The following NHLRC2 variants were observed in gnomAD, a reference collection of about 807,000 sequenced individuals.
NHLRC2 encodes the protein NHL repeat containing 2, also known as NHL repeat-containing protein 2.
A neutral mutation model predicts 68.1 loss-of-function variants in NHLRC2; 33 were observed. The ratio of observed to expected loss-of-function variants is 0.48; its 90% CI spans 0.37 to 0.65. NHLRC2 has a LOEUF of 0.65. Among genes scored for constraint, NHLRC2 ranks in the 30% least tolerant of loss-of-function variants. The pLI, the probability that NHLRC2 is intolerant of heterozygous loss-of-function variation, is 0.00. For synonymous variants in NHLRC2, 311 were observed against 309.6 expected (o/e 1.00, Z -0.05); for missense variants, 761 against 853.8 (o/e 0.89, Z 1.35).
chr10:113,914,900 C>G lies in NHLRC2; in HGVS notation c.*6364C>G. 2.3e-6 allele frequency: 1 copy of G among 429,016 alleles called. No homozygotes were observed. The highest frequency in any genetic ancestry group is 1.7e-5 in the South Asian group (1 of 59,200). The allele number at this position is 429,016 out of a possible 1,614,324, so 26.6% of individuals were successfully genotyped here. A position where few individuals can be genotyped will look rare whatever the true frequency, so the allele number is the denominator to read the frequency against. On this transcript the variant is annotated 3_prime_UTR_variant, in exon 11 of 11. Transcript: ENST00000369301. Reference sequence around the variant, plus strand: ...TAATCTACCTATATGTATTCCATGGCTAACAAACCCTGGCCCCTTTACATA... The same window carrying G: ...TAATCTACCTATATGTATTCCATGGGTAACAAACCCTGGCCCCTTTACATA...
intron 8 of NHLRC2, 98 bp downstream of exon 8, chr10:113,902,691 A>G: frequency 1.9e-6 from 2 of 1,034,460 alleles, no homozygotes; most frequent in East Asian, 2.5e-5. Flanking sequence ...ACTCTAAAAT[A>G]TAGAAAGGAG....
chr10:113,858,004 T>C (rs952273206), intron 1 of NHLRC2, among the ~76,000 whole-genome samples: 2 of 152,078 alleles, frequency 1.3e-5, no homozygotes, highest in Non-Finnish European at 2.9e-5. Context: ...TTGTATCTAA[T>C]TGTTTATGTA....
chr10:113,869,282 C>T (rs1845899959), intron 2 of NHLRC2, among the ~76,000 whole-genome samples: 1 of 152,026 alleles, frequency 6.6e-6, no homozygotes, highest in South Asian at 2.1e-4. Flanking sequence ...TGGTTTTTTG[C>T]TTCTATAATT....
At chr10:113,893,654 A>G (rs1196533818) in intron 5 of NHLRC2, among the ~76,000 whole-genome samples, 1 of 151,986 alleles carries the variant, frequency 6.6e-6, no homozygotes, top group Non-Finnish European at 1.5e-5. Context: ...TCTGAAGGAA[A>G]TAAGTACACA....
chr10:113,868,908 G>A (rs1845896061), intron 2 of NHLRC2, among the ~76,000 whole-genome samples: 1 of 152,080 alleles, frequency 6.6e-6, no homozygotes, highest in South Asian at 2.1e-4. Context: ...TAAAGCAAAA[G>A]GAATAATATT....
In NHLRC2 at chr10:113,857,413, G is replaced by A. The variant is rs1042489165; in HGVS notation, c.179-1115G>A. 3.9e-5 allele frequency among the ~76,000 whole-genome samples: 6 copies of A among 152,204 alleles called. No homozygotes were observed. In the East Asian group the frequency reaches 1.2e-3, roughly 29 times the overall value. On this transcript the variant is annotated intron_variant, in intron 1 of 10. Coordinates refer to ENST00000369301, the MANE Select transcript of NHLRC2 (RefSeq NM_198514.4). ...GTCACTGTACCCTGAAACCTCATTA[G>A]TTTGGACTAATTGGCCCAAATACTA... is the stretch of plus-strand genomic sequence containing the variant.
Position 113,915,242 on chromosome 10 carries a change from A to T in NHLRC2, c.*6706A>T, listed in dbSNP as rs1488279750. On this transcript the variant is annotated 3_prime_UTR_variant, in exon 11 of 11. Coordinates refer to ENST00000369301, the MANE Select transcript of NHLRC2 (RefSeq NM_198514.4). ...GGACCAAAAGGAAAATATTGCAACT[A>T]TTTGCAAACATACTTCCCTACCTGT... The T allele has an allele frequency of 2.2e-6, 1 of 456,178 alleles. No individual in the cohort carries two copies. The highest frequency in any genetic ancestry group is 4.4e-6 in the Non-Finnish European group (1 of 226,968). The allele number at this position is 456,178 out of a possible 1,614,324, so 28.3% of individuals were successfully genotyped here.
At chr10:113,877,165 A>G (rs561519425) in intron 3 of NHLRC2, among the ~76,000 whole-genome samples, 189 bp downstream of exon 3, 6 of 152,216 alleles carry the variant, frequency 3.9e-5, no homozygotes, top group African/African-American at 1.4e-4. Flanking sequence ...TCACTCCCTC[A>G]TAAAACAAAC....
Position 113,909,513 on chromosome 10 carries a change from A to C in NHLRC2, c.*977A>C, listed in dbSNP as rs1846305560. 1 of 152,102 alleles carries C rather than the reference A, an allele frequency of 6.6e-6. No individual in the cohort carries two copies. Among genetic ancestry groups the C allele is most frequent in the African/African-American group, 2.4e-5 (1 of 41,436 alleles). 9.4% of individuals were successfully genotyped at this position (152,102 alleles called of 1,614,324 possible). On this transcript the variant is annotated 3_prime_UTR_variant, in exon 11 of 11. Transcript: ENST00000369301. ...TATGATCATTTATTGTGATGTTTTTAAAAATCACTTTTAAGCCTTAAAAGT... is the reference window on the plus strand; with the variant it reads ...TATGATCATTTATTGTGATGTTTTTCAAAATCACTTTTAAGCCTTAAAAGT...
intron 9 of NHLRC2, 52 bp downstream of exon 9, chr10:113,903,788 A>G: frequency 9.3e-7 from 1 of 1,070,352 alleles, no homozygotes; most frequent in South Asian, 1.3e-5. Context: ...GAATGATACT[A>G]AGATCCTCAC....
At chr10:113,899,956 G>A (rs1049987085) in intron 6 of NHLRC2, among the ~76,000 whole-genome samples, 1 of 152,024 alleles carries the variant, frequency 6.6e-6, no homozygotes, top group African/African-American at 2.4e-5. Flanking sequence ...ATATAAGTAA[G>A]AGGAAGACGC....
At chr10:113,863,602 G>A (rs1165721058) in intron 2 of NHLRC2, among the ~76,000 whole-genome samples, 1 of 151,974 alleles carries the variant, frequency 6.6e-6, no homozygotes, top group African/African-American at 2.4e-5. Flanking sequence ...AAAGCTAACC[G>A]AAGGAAGGAA....
At chr10:113,893,464 T>C (rs568064216) in intron 5 of NHLRC2, among the ~76,000 whole-genome samples, 1 of 152,278 alleles carries the variant, frequency 6.6e-6, no homozygotes, top group East Asian at 1.9e-4. Context: ...TAAGACTTGT[T>C]AAGGTTGTTA....
At chr10:113,855,463 A>C (rs1845739429) in intron 1 of NHLRC2, among the ~76,000 whole-genome samples, 1 of 150,834 alleles carries the variant, frequency 6.6e-6, no homozygotes, top group Middle Eastern at 3.2e-3. Context: ...TATCACACAC[A>C]GGGTTTTTTT....
Position 113,902,521 on chromosome 10 carries a change from T to G in NHLRC2, c.1422T>G (p.Leu474=). 6.2e-7 allele frequency: 1 copy of G among 1,606,736 alleles called. No individual in the cohort carries two copies. Among genetic ancestry groups the G allele is most frequent in the Non-Finnish European group, 8.5e-7 (1 of 1,175,574 alleles). ...DVDGVGINAK[L]QHPLGVTWDK... ...ATGGAGTAGGAATCAATGCAAAGCT[T>G]CAACACCCCCTTGGAGTAACATGGG... The change falls in exon 8 of 11, where the codon CTT becomes CTG. Residue 474 remains leucine (L), a synonymous_variant. Transcript: ENST00000369301.
chr10:113,888,097 A>T (rs1396837605), intron 5 of NHLRC2, among the ~76,000 whole-genome samples: 4 of 152,292 alleles, frequency 2.6e-5, no homozygotes, highest in Non-Finnish European at 5.9e-5. Context: ...AAGTAAATTT[A>T]AAAAAATTGT....
Position 113,902,580 on chromosome 10 carries a change from C to T in NHLRC2, c.1481C>T (p.Ser494Phe), listed in dbSNP as rs778847956. 3 of 1,603,028 alleles carry T rather than the reference C, an allele frequency of 1.9e-6. No individual in the cohort carries two copies. Among genetic ancestry groups the T allele is most frequent in the Non-Finnish European group, 1.7e-6 (2 of 1,176,692 alleles). Reference sequence around the variant, plus strand: ...AGGAATTTACTTTATGTTGCAGACTCCTACAATCACAAGGTGAGTCGTGAC... The same window carrying T: ...AGGAATTTACTTTATGTTGCAGACTTCTACAATCACAAGGTGAGTCGTGAC... ...KKRNLLYVADSYNHKIKVVDP... is the reference protein window; with the variant it reads ...KKRNLLYVADFYNHKIKVVDP... The change falls in exon 8 of 11, where the codon TCC becomes TTC. Residue 494 changes from serine to phenylalanine, a missense_variant. Coordinates refer to ENST00000369301, the MANE Select transcript of NHLRC2 (RefSeq NM_198514.4).
At position 113,894,830 on chromosome 10, in the gene NHLRC2, T is replaced by G. The variant is rs1197598744; in HGVS notation, c.1040-3280T>G. Among the ~76,000 whole-genome samples the G allele has an allele frequency of 3.3e-5, 5 of 152,144 alleles. No homozygotes were observed. In the South Asian group the frequency reaches 1.0e-3, roughly 32 times the overall value. Reference sequence around the variant, plus strand: ...TTATTGTTATGTGTGGCTTTGGAGTTCTCAGCCCTATCAGATCCCAGATCC... The same window carrying G: ...TTATTGTTATGTGTGGCTTTGGAGTGCTCAGCCCTATCAGATCCCAGATCC... On this transcript the variant is annotated intron_variant, in intron 5 of 10. Coordinates refer to ENST00000369301, the MANE Select transcript of NHLRC2 (RefSeq NM_198514.4).
chr10:113,872,336 G>A (rs1004966828), intron 2 of NHLRC2, among the ~76,000 whole-genome samples: 1 of 152,088 alleles, frequency 6.6e-6, no homozygotes, highest in Non-Finnish European at 1.5e-5. Flanking sequence ...CCCAGAAAAA[G>A]GGAACTGTCA....
Sources: allele counts gnomAD v4.1 joint callset (sites outside exome capture counted in the v4.1 genomes callset), GRCh38; gene constraint gnomAD v4.1.1; transcripts MANE v1.5; gene names NCBI Gene and HGNC (gene_info 2026-07-23, HGNC 2026-07-21).